PTPRK: variants seen among roughly 807,000 people sequenced by gnomAD.
PTPRK encodes the protein receptor-type tyrosine-protein phosphatase kappa.
In PTPRK, 75 loss-of-function variants were observed where a neutral mutation model predicts 178.0. The observed-to-expected ratio is 0.42, with a 90% CI of 0.35 to 0.51. The LOEUF (loss-of-function observed/expected upper bound fraction) is 0.51, where lower values mean the gene tolerates loss of function less well. Among genes scored for constraint, PTPRK ranks in the 20% least tolerant of loss-of-function variants. PTPRK has a pLI of 0.02. For missense variants in PTPRK, 1,441 were observed against 1,797.8 expected (o/e 0.80, Z 3.59); for synonymous variants, 637 against 620.6 (o/e 1.03, Z -0.39).
chr6:128,018,694 A>G (rs1364920567), intron 13 of PTPRK, among the ~76,000 whole-genome samples: 1 of 152,126 alleles, frequency 6.6e-6, no homozygotes, highest in Non-Finnish European at 1.5e-5. Context: ...GGTACTTCAT[A>G]AAGCCTCAGT....
intron 4 of PTPRK, among the ~76,000 whole-genome samples, chr6:128,240,652 C>A (rs1490280607): frequency 6.6e-6 from 1 of 152,060 alleles, no homozygotes; most frequent in Non-Finnish European, 1.5e-5. Flanking sequence ...ATAGTTATAA[C>A]CCTCTACAGC....
At chr6:128,209,438 C>T (rs1251301275) in intron 6 of PTPRK, among the ~76,000 whole-genome samples, 1 of 152,102 alleles carries the variant, frequency 6.6e-6, no homozygotes, top group Non-Finnish European at 1.5e-5. Context: ...ATGCCCTTTA[C>T]TTATCTTCCA....
chr6:128,516,528 A>T (rs190014728), intron 1 of PTPRK, among the ~76,000 whole-genome samples: 1 of 152,340 alleles, frequency 6.6e-6, no homozygotes, highest in Non-Finnish European at 1.5e-5. Context: ...CAAACCTTAA[A>T]GCAAGCTGGC....
intron 3 of PTPRK, among the ~76,000 whole-genome samples, chr6:128,305,643 C>A (rs1435164311): frequency 6.6e-6 from 1 of 152,150 alleles, no homozygotes; most frequent in Non-Finnish European, 1.5e-5. Flanking sequence ...AAAATTGGAT[C>A]TTCAGAAAAA....
intron 1 of PTPRK, among the ~76,000 whole-genome samples, chr6:128,421,388 G>T (rs1302728858): frequency 6.6e-6 from 1 of 152,176 alleles, no homozygotes; most frequent in Admixed American, 6.5e-5. Flanking sequence ...ATCGGTATTT[G>T]TGGCAGAAGA....
intron 2 of PTPRK, among the ~76,000 whole-genome samples, chr6:128,328,794 T>C (rs1829895132): frequency 6.6e-6 from 1 of 152,182 alleles, no homozygotes; most frequent in Non-Finnish European, 1.5e-5. Context: ...TCTCATAATT[T>C]ACTATATTTT....
chr6:128,269,473 A>G (rs961436996), intron 3 of PTPRK, among the ~76,000 whole-genome samples: 1 of 151,976 alleles, frequency 6.6e-6, no homozygotes, highest in Non-Finnish European at 1.5e-5. Context: ...GGAGAGGCCC[A>G]AAAGAGGGTG....
chr6:128,159,670 G>A (rs556449583), intron 7 of PTPRK, among the ~76,000 whole-genome samples: 1 of 151,560 alleles, frequency 6.6e-6, no homozygotes, highest in South Asian at 2.1e-4. Context: ...TGCAACTCTT[G>A]TATTTAAAAA....
chr6:128,348,079 T>C (rs1832654393), intron 2 of PTPRK, among the ~76,000 whole-genome samples: 2 of 152,058 alleles, frequency 1.3e-5, no homozygotes, highest in Admixed American at 6.6e-5. Flanking sequence ...ACAACACATA[T>C]ACTTTTATAA....
At chr6:127,973,536 C>T in intron 28 of PTPRK, 128 bp downstream of exon 28, 2 of 1,072,040 alleles carry the variant, frequency 1.9e-6, no homozygotes, top group South Asian at 1.8e-5. Context: ...ACTCATGAGA[C>T]AGGAAGACTG....
chr6:128,093,218 T>A (rs1787289711), intron 7 of PTPRK, among the ~76,000 whole-genome samples: 1 of 152,134 alleles, frequency 6.6e-6, no homozygotes, highest in African/African-American at 2.4e-5. Flanking sequence ...TAACATTTCT[T>A]TTTTTGTTGT....
intron 10 of PTPRK, 108 bp from the exon 11 acceptor site, chr6:128,079,026 T>C: frequency 1.6e-6 from 1 of 611,006 alleles, no homozygotes; most frequent in East Asian, 2.7e-5. Flanking sequence ...TTCACCTAAT[T>C]ATCTACAACG....
chr6:128,452,001 T>C (rs942064382), intron 1 of PTPRK, among the ~76,000 whole-genome samples: 2 of 152,212 alleles, frequency 1.3e-5, no homozygotes, highest in African/African-American at 4.8e-5. Context: ...TTCTTCAGGA[T>C]GCAAGATAAA....
chr6:128,497,427 T>C (rs568749093), intron 1 of PTPRK, among the ~76,000 whole-genome samples: 1 of 152,226 alleles, frequency 6.6e-6, no homozygotes, highest in East Asian at 1.9e-4. Flanking sequence ...CTGGGCAACA[T>C]AGGGAGACCC....
intron 3 of PTPRK, among the ~76,000 whole-genome samples, chr6:128,278,115 T>C (rs180812220): frequency 2.2e-4 from 33 of 150,524 alleles, no homozygotes; most frequent in Admixed American, 1.3e-3. Flanking sequence ...TGCAGGTGTT[T>C]TTGTGTTTTT....
In PTPRK at chr6:128,199,505, T is replaced by C. The variant is rs117983969; in HGVS notation, c.869-14780A>G. Among the ~76,000 whole-genome samples, 425 of 147,512 alleles carry C rather than the reference T, an allele frequency of 2.9e-3. 2 individuals carry two copies. Among genetic ancestry groups the C allele is most frequent in the Non-Finnish European group, 3.2e-3 (215 of 67,508 alleles). ...GGTGCTGGTAATATTCAACAAGCTA[T>C]ATATACATTTATCAAACTATATGTT... On this transcript the variant is annotated intron_variant, in intron 6 of 29. Transcript: ENST00000368226.
chr6:128,207,160 C>G (rs1481552058), intron 6 of PTPRK, among the ~76,000 whole-genome samples: 1 of 152,122 alleles, frequency 6.6e-6, no homozygotes, highest in African/African-American at 2.4e-5. Flanking sequence ...CTTCTTACCA[C>G]CAAGCCATCC....
chr6:128,389,571 G>C (rs570254046), intron 2 of PTPRK, among the ~76,000 whole-genome samples: 1 of 151,152 alleles, frequency 6.6e-6, no homozygotes, highest in Non-Finnish European at 1.5e-5. Context: ...CTGTATTTTC[G>C]GTCACACTCC....
intron 13 of PTPRK, among the ~76,000 whole-genome samples, chr6:128,035,367 A>AAAATAAAT (rs34826115): frequency 1.1e-4 from 16 of 151,156 alleles, no homozygotes; most frequent in African/African-American, 3.9e-4. Flanking sequence ...ACTCTGTCTC[A>AAAATAAAT]AAATAAATAA....
Sources: gnomAD v4.1 joint callset for allele counts (sites outside exome capture counted in the v4.1 genomes callset) on GRCh38, gnomAD v4.1.1 for gene constraint, MANE v1.5 for transcripts, NCBI Gene and HGNC (gene_info 2026-07-23, HGNC 2026-07-21) for gene names.